The following ALPK2 variants were observed in gnomAD, a reference collection of about 807,000 sequenced individuals.
ALPK2 encodes alpha-protein kinase 2.
A neutral mutation model predicts 163.1 loss-of-function variants in ALPK2; 127 were observed. The observed-to-expected ratio is 0.78, with a 90% CI of 0.67 to 0.90. The LOEUF is 0.90. ALPK2 is among the 40% of genes least tolerant of loss of function. The probability of loss-of-function intolerance (pLI) is 0.00; values close to 1 mark genes in which losing one functional copy is unlikely to be tolerated. For missense variants in ALPK2, 2,360 were observed against 2,589.6 expected (o/e 0.91, Z 1.92); for synonymous variants, 953 against 959.1 (o/e 0.99, Z 0.12).
rs1366632671 is a variant in ALPK2 at position 58,535,666 on chromosome 18, T to A, written c.4521A>T (p.Gly1507=). The A allele has an allele frequency of 6.2e-6, 10 of 1,614,144 alleles. No homozygotes were observed. Among genetic ancestry groups the A allele is most frequent in the African/African-American group, 1.3e-5 (1 of 74,964 alleles). ...TTTCTTGTATTTGGCCTATGCTACA[T>A]CCACTTGGAATTCTTTCACCGCCTT... ...PSEGGERIPS[G]CSIGQIQESS... The change falls in exon 5 of 13, where the codon GGA becomes GGT. Residue 1507 remains glycine, a synonymous_variant. Coordinates refer to ENST00000361673, the MANE Select transcript of ALPK2 (RefSeq NM_052947.4).
At chr18:58,488,592 G>A (rs59662060) in intron 12 of ALPK2, among the ~76,000 whole-genome samples, 14,367 of 151,400 alleles carry the variant, frequency 0.095, 897 homozygotes, top group East Asian at 0.31. Flanking sequence ...AATGGAGACA[G>A]GCAAGGCAAA....
At position 58,573,364 on chromosome 18, in the gene ALPK2, GTA is replaced by G. The variant is rs199946737; in HGVS notation, c.1962+5448_1962+5449del. Among the ~76,000 whole-genome samples, 596 of 139,626 alleles carry G rather than the reference GTA, an allele frequency of 4.3e-3. 9 individuals carry two copies. Among genetic ancestry groups the G allele is most frequent in the African/African-American group, 0.015 (555 of 37,264 alleles). The allele number at this position is 139,626 out of a possible 152,430, so 91.6% of individuals were successfully genotyped here. A position where few individuals can be genotyped will look rare whatever the true frequency, so the allele number is the denominator to read the frequency against. On this transcript the variant is annotated intron_variant, in intron 4 of 12. Coordinates refer to ENST00000361673, the MANE Select transcript of ALPK2 (RefSeq NM_052947.4). ...TATATATGTATATATATATGTGTGT[GTA>G]TATATATATGTGTGTGTATATATAT...
intron 11 of ALPK2, among the ~76,000 whole-genome samples, chr18:58,500,779 T>TA (rs5825289): frequency 2.5e-4 from 37 of 145,126 alleles, no homozygotes; most frequent in Non-Finnish European, 4.8e-4. Context: ...ACAAAAAAAT[T>TA]AAAAAAAAAA....
chr18:58,501,616 A>T (rs2051431789), intron 11 of ALPK2, among the ~76,000 whole-genome samples: 1 of 152,156 alleles, frequency 6.6e-6, no homozygotes, highest in Non-Finnish European at 1.5e-5. Flanking sequence ...CTAAATTGTT[A>T]TTTGTGGAAA....
intron 3 of ALPK2, among the ~76,000 whole-genome samples, chr18:58,602,926 A>G (rs2052078664): frequency 1.3e-5 from 2 of 152,232 alleles, no homozygotes; most frequent in Non-Finnish European, 2.9e-5. Context: ...CACTCCCACC[A>G]GCACCATGAC....
intron 4 of ALPK2, among the ~76,000 whole-genome samples, chr18:58,575,600 G>C (rs993390308): frequency 6.6e-6 from 1 of 152,178 alleles, no homozygotes. Flanking sequence ...TGTGGCTGCC[G>C]AGAAACTTAA....
At chr18:58,596,561 T>G (rs117524934) in intron 3 of ALPK2, among the ~76,000 whole-genome samples, 1 of 152,316 alleles carries the variant, frequency 6.6e-6, no homozygotes, top group East Asian at 1.9e-4. Context: ...GCAGTTCAAA[T>G]GGTGACCAGA....
intron 4 of ALPK2, among the ~76,000 whole-genome samples, chr18:58,542,702 A>G (rs2051695967): frequency 6.6e-6 from 1 of 152,220 alleles, no homozygotes; most frequent in Non-Finnish European, 1.5e-5. Flanking sequence ...CAGATAGCAC[A>G]GAAGTTCACT....
At chr18:58,550,936 T>C (rs2051756237) in intron 4 of ALPK2, among the ~76,000 whole-genome samples, 3 of 144,966 alleles carry the variant, frequency 2.1e-5, no homozygotes, top group Admixed American at 2.0e-4. Context: ...CTCCATTACA[T>C]ACAATCCCAT....
chr18:58,616,561 A>G (rs1375921297), intron 1 of ALPK2, among the ~76,000 whole-genome samples: 1 of 152,142 alleles, frequency 6.6e-6, no homozygotes, highest in Non-Finnish European at 1.5e-5. Context: ...TAAAAACCCA[A>G]AAGGACAGGG....
At chr18:58,578,736 A>ACAGACACGCGCGCACGCGCGCG in intron 4 of ALPK2, 78 bp downstream of exon 4, 1 of 760,698 alleles carries the variant, frequency 1.3e-6, no homozygotes, top group South Asian at 1.9e-5. Context: ...AGGAAGAGAC[A>ACAGACACGCGCGCACGCGCGCG]CACACACACA....
rs1375364902 is a variant in ALPK2 at position 58,521,625 on chromosome 18, C to CTTTTT, written c.5665+2180_5665+2181insAAAAA. 3.4e-3 allele frequency among the ~76,000 whole-genome samples: 171 copies of CTTTTT among 50,532 alleles called. 6 individuals are homozygous for CTTTTT. The highest frequency in any genetic ancestry group is 5.5e-3 in the Non-Finnish European group (135 of 24,714). 33.2% of individuals were successfully genotyped at this position (50,532 alleles called of 152,430 possible). Reference sequence around the variant, plus strand: ...CATTTCTTTTTCTTTCTTTCTCTCTCTCTTTTTTTTTTTTTTTTTTTGAGA... The same window carrying CTTTTT: ...CATTTCTTTTTCTTTCTTTCTCTCTCTTTTTTCTTTTTTTTTTTTTTTTTTTGAGA... On this transcript the variant is annotated intron_variant, in intron 8 of 12. Coordinates refer to ENST00000361673, the MANE Select transcript of ALPK2 (RefSeq NM_052947.4).
At position 58,588,422 on chromosome 18, in the gene ALPK2, T is replaced by G. The variant is rs148490730; in HGVS notation, c.228-7874A>C. On this transcript the variant is annotated intron_variant, in intron 3 of 12. Transcript: ENST00000361673. ...TAATGTTTGAATTTTTTTTTAATTT[T>G]TATTTTAACTTCTGGGGTACATGTG... Among the ~76,000 whole-genome samples the G allele has an allele frequency of 4.1e-3, 631 of 152,340 alleles. 4 individuals are homozygous for G. The highest frequency in any genetic ancestry group is 0.014 in the African/African-American group (602 of 41,572).
Position 58,481,947 on chromosome 18 carries a change from A to G in ALPK2, c.6389T>C (p.Leu2130Pro). 6.2e-7 allele frequency: 1 copy of G among 1,614,228 alleles called. No homozygotes were observed. Among genetic ancestry groups the G allele is most frequent in the Non-Finnish European group, 8.5e-7 (1 of 1,180,028 alleles). The change falls in exon 13 of 13, where the codon CTG becomes CCG. Residue 2130 changes from leucine (L) to proline (P), a missense_variant. Coordinates refer to ENST00000361673, the MANE Select transcript of ALPK2 (RefSeq NM_052947.4). Reference sequence around the variant, plus strand: ...CTGGTTGTTGTTTTGAAGGGATTTCAGTCCCAGCATTTTGCAATACTTGTT... The same window carrying G: ...CTGGTTGTTGTTTTGAAGGGATTTCGGTCCCAGCATTTTGCAATACTTGTT... ...QCNKYCKMLGLKSLQNNNQKQ... is the reference protein window; with the variant it reads ...QCNKYCKMLGPKSLQNNNQKQ...
At chr18:58,560,778 T>G (rs1049246827) in intron 4 of ALPK2, among the ~76,000 whole-genome samples, 35 of 152,332 alleles carry the variant, frequency 2.3e-4, no homozygotes, top group African/African-American at 7.9e-4. Flanking sequence ...TTAGGCACAC[T>G]CTGCTGCCTT....
intron 10 of ALPK2, among the ~76,000 whole-genome samples, chr18:58,508,298 C>T (rs1253874282): frequency 6.6e-6 from 1 of 152,182 alleles, no homozygotes; most frequent in Non-Finnish European, 1.5e-5. Flanking sequence ...CTCCAGTCTC[C>T]CATTTAGCCA....
At chr18:58,555,329 C>T (rs1190328974) in intron 4 of ALPK2, among the ~76,000 whole-genome samples, 1 of 152,200 alleles carries the variant, frequency 6.6e-6, no homozygotes, top group Non-Finnish European at 1.5e-5. Context: ...CAGTAACTAG[C>T]TTAGGTGAGA....
chr18:58,563,607 C>T (rs895195085), intron 4 of ALPK2, among the ~76,000 whole-genome samples: 4 of 152,180 alleles, frequency 2.6e-5, no homozygotes, highest in Admixed American at 2.0e-4. Flanking sequence ...TCTCATGAAC[C>T]TGTAAGTTTC....
intron 3 of ALPK2, among the ~76,000 whole-genome samples, chr18:58,592,571 TG>T (rs2052019767): frequency 6.6e-6 from 1 of 151,930 alleles, no homozygotes; most frequent in Admixed American, 6.6e-5. Flanking sequence ...GAGGTAGGGC[TG>T]GGGGAGAGGG....
Sources: gnomAD v4.1 joint callset for allele counts (sites outside exome capture counted in the v4.1 genomes callset) on GRCh38, gnomAD v4.1.1 for gene constraint, MANE v1.5 for transcripts, NCBI Gene and HGNC (gene_info 2026-07-23, HGNC 2026-07-21) for gene names.